MLN: variants seen among roughly 807,000 people sequenced by gnomAD.
The protein encoded by MLN is promotilin.
A neutral mutation model predicts 13.3 loss-of-function variants in MLN; 14 were observed. The ratio of observed to expected loss-of-function variants is 1.05; its 90% confidence interval spans 0.69 to 1.64. The LOEUF is 1.64. Among genes scored for constraint, MLN ranks in the 40% most tolerant of loss-of-function variants. MLN has a pLI of 0.00. For synonymous variants in MLN, 59 were observed against 54.7 expected (o/e 1.08, Z -0.34); for missense variants, 122 against 142.9 (o/e 0.85, Z 0.75).
chr6:33,797,957 C>G (rs982113040), intron 3 of MLN, among the ~76,000 whole-genome samples: 1 of 152,226 alleles, frequency 6.6e-6, no homozygotes, highest in Non-Finnish European at 1.5e-5. Context: ...GGCCTCCTCA[C>G]TCTTCCTGAA....
At chr6:33,801,191 C>T (rs373637555) in intron 1 of MLN, 21 bp from the exon 2 acceptor site, 3 of 1,586,430 alleles carry the variant, frequency 1.9e-6, no homozygotes, top group African/African-American at 2.7e-5. Context: ...ACAAGGAGCT[C>T]TTGTCACTAA....
chr6:33,802,163 A>G (rs1582279504), intron 1 of MLN, among the ~76,000 whole-genome samples: 1 of 152,092 alleles, frequency 6.6e-6, no homozygotes, highest in Non-Finnish European at 1.5e-5. Context: ...GCTTTTCCCA[A>G]TACCCCACTC....
chr6:33,795,673 C>T, intron 3 of MLN, 68 bp from the exon 4 acceptor site: 1 of 1,372,280 alleles, frequency 7.3e-7, no homozygotes, highest in African/African-American at 1.4e-5. Flanking sequence ...GGGTGCACTA[C>T]AGGTGGCAGG....
Position 33,799,873 on chromosome 6 carries a change from C to T in MLN, c.118-652G>A, listed in dbSNP as rs1162870318. On this transcript the variant is annotated intron_variant, in intron 2 of 4. Transcript: ENST00000430124. The surrounding 1 kb of genome is among the most constrained non-coding windows in gnomAD (Gnocchi z 4.6). ...TGCCCGGCATGCTGCTGGCCAGGTC[C>T]CTGAGCACTGAGATCCTCATTCCTT... Among the ~76,000 whole-genome samples the T allele has an allele frequency of 2.0e-5, 3 of 152,156 alleles. No homozygotes were observed. Among genetic ancestry groups the T allele is most frequent in the South Asian group, 2.1e-4 (1 of 4,818 alleles).
At chr6:33,802,001 G>A (rs111399435) in intron 1 of MLN, among the ~76,000 whole-genome samples, 1 of 152,264 alleles carries the variant, frequency 6.6e-6, no homozygotes, top group South Asian at 2.1e-4. Context: ...GACTGCAGGG[G>A]TGCAGAGCCT....
At chr6:33,798,441 G>A (rs909819299) in intron 3 of MLN, among the ~76,000 whole-genome samples, 3 of 152,196 alleles carry the variant, frequency 2.0e-5, no homozygotes, top group Admixed American at 6.5e-5. Context: ...CCCAACAATC[G>A]GCCCTGGGTG....
In MLN at chr6:33,803,240, C is replaced by T. The variant is rs1462378141; in HGVS notation, c.-8+713G>A. ...TGCCCTCCCTTGCAGCACCCCTGGC[C>T]GGGCTAGCCTTGCCTCCCCATGTGC... On this transcript the variant is annotated intron_variant, in intron 1 of 4. Coordinates refer to ENST00000430124, the MANE Select transcript of MLN (RefSeq NM_002418.3). The surrounding 1 kb of genome is among the most constrained non-coding windows in gnomAD (Gnocchi z 4.5). Among the ~76,000 whole-genome samples, 2 of 151,986 alleles carry T rather than the reference C, an allele frequency of 1.3e-5. No homozygotes were observed. The highest frequency in any genetic ancestry group is 1.9e-4 in the East Asian group (1 of 5,182).
intron 3 of MLN, among the ~76,000 whole-genome samples, chr6:33,796,479 G>A (rs550545278): frequency 3.9e-5 from 6 of 152,302 alleles, no homozygotes; most frequent in Non-Finnish European, 4.4e-5. Flanking sequence ...TGATCTCCCC[G>A]TCCCCGCTCC....
In MLN at chr6:33,799,748, G is replaced by C. The variant is rs1330529501; in HGVS notation, c.118-527C>G. ...AAATCCTGGTGCCTGGCAATTATGA[G>C]GAGAAAAGCCATGGAGCAGATTAAT... On this transcript the variant is annotated intron_variant, in intron 2 of 4. Transcript: ENST00000430124. The surrounding 1 kb of genome is among the most constrained non-coding windows in gnomAD (Gnocchi z 4.6). Among the ~76,000 whole-genome samples, 18 of 152,304 alleles carry C rather than the reference G, an allele frequency of 1.2e-4. No individual in the cohort carries two copies. In the East Asian group the frequency reaches 3.5e-3, roughly 29 times the overall value.
At chr6:33,797,700 ACT>A (rs59491427) in intron 3 of MLN, among the ~76,000 whole-genome samples, 2 of 151,836 alleles carry the variant, frequency 1.3e-5, no homozygotes, top group South Asian at 2.1e-4. Flanking sequence ...CCGAGGCCGA[ACT>A]CTCTCTCTCT....
intron 3 of MLN, among the ~76,000 whole-genome samples, chr6:33,798,215 C>G (rs371116115): frequency 2.2e-4 from 34 of 152,224 alleles, no homozygotes; most frequent in African/African-American, 7.7e-4. Flanking sequence ...CTGTCTTTAC[C>G]TTGTTTGTGG....
rs769644017 is a variant in MLN at position 33,795,507 on chromosome 6, C to T, written c.333G>A (p.Gln111=). The part of the protein sequence containing the change: ...LEGLLSEMLP[Q]HAAK Reference sequence around the variant, plus strand: ...AGATGCCCGCCCTCCCCGTACCATGCTGGGGAAGCATCTCACTCAGCAGCC... The same window carrying T: ...AGATGCCCGCCCTCCCCGTACCATGTTGGGGAAGCATCTCACTCAGCAGCC... Residue 111 remains glutamine, a synonymous_variant, in exon 4 of 5, where the codon CAG becomes CAA. Transcript: ENST00000430124. The T allele has an allele frequency of 6.4e-7, 1 of 1,560,894 alleles. No homozygotes were observed. Among genetic ancestry groups the T allele is most frequent in the South Asian group, 1.2e-5 (1 of 84,758 alleles).
At position 33,799,652 on chromosome 6, in the gene MLN, C is replaced by T. The variant is rs531844999; in HGVS notation, c.118-431G>A. On this transcript the variant is annotated intron_variant, in intron 2 of 4. Transcript: ENST00000430124. The surrounding 1 kb of genome is among the most constrained non-coding windows in gnomAD (Gnocchi z 4.6). ...GGGGTGGCCCGGGAACTCAGAGTCC[C>T]TGGGAGGTGATTTATAAGAGGCAAG... 3.9e-4 allele frequency among the ~76,000 whole-genome samples: 59 copies of T among 152,214 alleles called. No homozygotes were observed. Among genetic ancestry groups the T allele is most frequent in the African/African-American group, 1.2e-3 (49 of 41,530 alleles).
chr6:33,795,684 AG>A (rs1390895978), intron 3 of MLN, 79 bp from the exon 4 acceptor site: 4 of 1,284,838 alleles, frequency 3.1e-6, no homozygotes, highest in Non-Finnish European at 4.4e-6. Context: ...AGGTGGCAGG[AG>A]GGACCCTTGG....
rs117977904 is a variant in MLN at position 33,794,700 on chromosome 6, G to C, written c.*125C>G. The C allele has an allele frequency of 5.5e-4, 564 of 1,020,346 alleles. 2 individuals carry two copies. In the East Asian group the frequency reaches 0.014, roughly 25 times the overall value. 63.2% of individuals were successfully genotyped at this position (1,020,346 alleles called of 1,614,324 possible). ...TATATTTCATGCTTTATTTGCTGGA[G>C]GGGAATTTGCTTTGGAAAGGGTGTT... is the stretch of plus-strand genomic sequence containing the variant. On this transcript the variant is annotated 3_prime_UTR_variant, in exon 5 of 5. Coordinates refer to ENST00000430124, the MANE Select transcript of MLN (RefSeq NM_002418.3).
At position 33,799,679 on chromosome 6, in the gene MLN, CAA is replaced by C. The variant is rs1561934868; in HGVS notation, c.118-460_118-459del. ...GGGAGGTGATTTATAAGAGGCAAGA[CAA>C]GAGATAAATTATGGAGGAGGGAGTT... On this transcript the variant is annotated intron_variant, in intron 2 of 4. Transcript: ENST00000430124. This position sits in a 1 kb window ranked among gnomAD's most constrained non-coding sequence, Gnocchi z 4.6. Among the ~76,000 whole-genome samples, 1 of 152,048 alleles carries C rather than the reference CAA, an allele frequency of 6.6e-6. No homozygotes were observed. Among genetic ancestry groups the C allele is most frequent in the African/African-American group, 2.4e-5 (1 of 41,388 alleles).
intron 3 of MLN, among the ~76,000 whole-genome samples, chr6:33,796,994 C>T (rs1767940652): frequency 6.6e-6 from 1 of 152,248 alleles, no homozygotes. Context: ...GATTCCCTCC[C>T]AGCTCCCTCC....
rs1208023509 is a variant in MLN, at chr6:33,794,797, T to C, written c.*28A>G. ...ACTTGGGCAGGAGGGGCCTCCCAAA[T>C]CTGTCCACCTTCTCCCCAGCGTGGC... On this transcript the variant is annotated 3_prime_UTR_variant, in exon 5 of 5. Transcript: ENST00000430124. The C allele has an allele frequency of 1.9e-6, 3 of 1,613,166 alleles. No homozygotes were observed. The Admixed American group carries it at 5.0e-5, about 27-fold the overall frequency.
chr6:33,799,533 T>A lies in MLN; in HGVS notation c.118-312A>T, dbSNP rs1026391958. Among the ~76,000 whole-genome samples the A allele has an allele frequency of 6.6e-6, 1 of 152,214 alleles. No individual in the cohort carries two copies. The highest frequency in any genetic ancestry group is 2.4e-5 in the African/African-American group (1 of 41,450). On this transcript the variant is annotated intron_variant, in intron 2 of 4. Coordinates refer to ENST00000430124, the MANE Select transcript of MLN (RefSeq NM_002418.3). This position sits in a 1 kb window ranked among gnomAD's most constrained non-coding sequence, Gnocchi z 4.6. ...AACTTAAAAAGCTGAAAATAATGCC[T>A]GCCCTTCATGCATATTAAGTGTGAA...
Sources: allele counts gnomAD v4.1 joint callset (sites outside exome capture counted in the v4.1 genomes callset), GRCh38; gene constraint gnomAD v4.1.1; non-coding constraint Gnocchi (gnomAD v3.1); transcripts MANE v1.5; gene names NCBI Gene and HGNC (gene_info 2026-07-23, HGNC 2026-07-21).